ZFYVE9: variants seen among roughly 807,000 people sequenced by gnomAD.
ZFYVE9 encodes zinc finger FYVE-type containing 9, also known as zinc finger FYVE domain-containing protein 9.
Under a neutral mutation model 126.7 loss-of-function variants are expected in ZFYVE9, and 43 were observed. That is an observed-to-expected ratio of 0.34 (90% CI 0.27 to 0.44). The LOEUF (loss-of-function observed/expected upper bound fraction) is 0.44. ZFYVE9 is among the 20% of genes least tolerant of loss of function. The probability of loss-of-function intolerance (pLI) is 1.00; values close to 1 mark genes in which losing one functional copy is unlikely to be tolerated. For synonymous variants in ZFYVE9, 521 were observed against 597.4 expected (o/e 0.87, Z 1.87); for missense variants, 1,476 against 1,697.0 (o/e 0.87, Z 2.29).
intron 2 of ZFYVE9, among the ~76,000 whole-genome samples, chr1:52,223,498 G>A (rs1645143111): frequency 6.6e-6 from 1 of 152,018 alleles, no homozygotes; most frequent in African/African-American, 2.4e-5. Flanking sequence ...TTCCTCTATG[G>A]GATGGTCTTT....
intron 13 of ZFYVE9, among the ~76,000 whole-genome samples, chr1:52,331,734 A>G (rs1211265954): frequency 2.7e-5 from 4 of 149,266 alleles, no homozygotes; most frequent in African/African-American, 9.8e-5. Context: ...CTTGGGCAAC[A>G]GAGAGAGACC....
chr1:52,187,040 G>A (rs764647383), intron 1 of ZFYVE9, among the ~76,000 whole-genome samples: 1 of 152,150 alleles, frequency 6.6e-6, no homozygotes, highest in Non-Finnish European at 1.5e-5. Context: ...AACAAAGCTG[G>A]AGGCATCATA....
At chr1:52,252,366 TTTG>T (rs1335776302) in intron 4 of ZFYVE9, 1 of 151,692 alleles carries the variant, frequency 6.6e-6, no homozygotes, top group African/African-American at 2.5e-5. Flanking sequence ...TTTGTTTTGT[TTTG>T]TTTTGTTAGA....
intron 4 of ZFYVE9, among the ~76,000 whole-genome samples, chr1:52,243,538 C>T (rs962847486): frequency 4.0e-5 from 6 of 151,786 alleles, no homozygotes; most frequent in African/African-American, 1.5e-4. Context: ...GGAAGTAGAA[C>T]AGCATGGACA....
intron 2 of ZFYVE9, among the ~76,000 whole-genome samples, chr1:52,221,281 G>A (rs959377908): frequency 5.5e-4 from 84 of 152,308 alleles, no homozygotes; most frequent in African/African-American, 2.0e-3. Context: ...GGAACCATCT[G>A]TAAAGAGGTG....
At chr1:52,198,562 A>T (rs1644892380) in intron 1 of ZFYVE9, among the ~76,000 whole-genome samples, 1 of 152,230 alleles carries the variant, frequency 6.6e-6, no homozygotes, top group Non-Finnish European at 1.5e-5. Context: ...AGATAGGAGC[A>T]TACATAGGAT....
intron 12 of ZFYVE9, among the ~76,000 whole-genome samples, chr1:52,296,901 C>T (rs571617322): frequency 9.2e-5 from 14 of 152,282 alleles, no homozygotes; most frequent in Non-Finnish European, 1.9e-4. Flanking sequence ...GCAACCTCCA[C>T]CTCCGAGCAA....
intron 1 of ZFYVE9, among the ~76,000 whole-genome samples, chr1:52,154,433 C>A (rs1447087431): frequency 6.6e-6 from 1 of 152,184 alleles, no homozygotes; most frequent in Non-Finnish European, 1.5e-5. Flanking sequence ...CTATTTCTGC[C>A]ACAGTGACCT....
At chr1:52,263,128 T>C (rs1178235572) in intron 4 of ZFYVE9, among the ~76,000 whole-genome samples, 3 of 149,178 alleles carry the variant, frequency 2.0e-5, no homozygotes, top group Admixed American at 2.0e-4. Context: ...ACAAAGGAGA[T>C]TGTTGTTGCC....
chr1:52,335,898 C>A (rs1646383996), intron 15 of ZFYVE9, among the ~76,000 whole-genome samples: 1 of 152,122 alleles, frequency 6.6e-6, no homozygotes, highest in Admixed American at 6.5e-5. Flanking sequence ...CTTTGGGAGG[C>A]CGAGGGGGGC....
chr1:52,291,885 C>CAAAAAAAA (rs1171027696), intron 10 of ZFYVE9, among the ~76,000 whole-genome samples: 1 of 58,736 alleles, frequency 1.7e-5, no homozygotes, highest in African/African-American at 5.8e-5. Context: ...GACTCTGTCT[C>CAAAAAAAA]AAAAAAAAAA....
At chr1:52,310,932 G>A (rs1473513280) in intron 13 of ZFYVE9, among the ~76,000 whole-genome samples, 3 of 152,154 alleles carry the variant, frequency 2.0e-5, no homozygotes, top group Admixed American at 6.5e-5. Flanking sequence ...GTGCAGTGGT[G>A]TAATCGTAGC....
chr1:52,331,527 C>T (rs571510753), intron 13 of ZFYVE9, among the ~76,000 whole-genome samples: 302 of 150,410 alleles, frequency 2.0e-3, no homozygotes, highest in African/African-American at 6.9e-3. Flanking sequence ...CTGAGGTGGG[C>T]GGATCACGAG....
intron 1 of ZFYVE9, among the ~76,000 whole-genome samples, chr1:52,181,214 C>G (rs556973411): frequency 6.6e-5 from 10 of 152,310 alleles, no homozygotes; most frequent in African/African-American, 2.4e-4. Context: ...TGCTGAGTGC[C>G]TGCGATTGCA....
Position 52,171,701 on chromosome 1 carries a change from A to T in ZFYVE9, c.-143+29298A>T, listed in dbSNP as rs1169621065. ...TTTAATGATCGCCATTCTAACTGGT[A>T]TGAGATGGTATCTCATTGTAGTTTT... is the stretch of plus-strand genomic sequence containing the variant. On this transcript the variant is annotated intron_variant, in intron 1 of 18. Transcript: ENST00000287727. 2.0e-5 allele frequency among the ~76,000 whole-genome samples: 3 copies of T among 152,022 alleles called. No homozygotes were observed. The East Asian group carries it at 5.8e-4, about 29-fold the overall frequency.
intron 1 of ZFYVE9, among the ~76,000 whole-genome samples, chr1:52,177,819 G>T (rs1201941805): frequency 6.6e-6 from 1 of 152,172 alleles, no homozygotes; most frequent in Non-Finnish European, 1.5e-5. Flanking sequence ...TCTAATTGGG[G>T]AACTGCAAAT....
intron 4 of ZFYVE9, among the ~76,000 whole-genome samples, chr1:52,254,940 A>C (rs1388103699): frequency 6.6e-6 from 1 of 152,006 alleles, no homozygotes. Context: ...TAAAAATTAA[A>C]AAATAGCTGG....
intron 1 of ZFYVE9, among the ~76,000 whole-genome samples, chr1:52,196,428 G>C (rs1644861078): frequency 1.3e-5 from 2 of 152,146 alleles, no homozygotes; most frequent in South Asian, 4.1e-4. Flanking sequence ...TTGAGGCCAG[G>C]AGTTCAAGAC....
At chr1:52,205,290 A>T (rs1404240454) in intron 1 of ZFYVE9, among the ~76,000 whole-genome samples, 1 of 151,620 alleles carries the variant, frequency 6.6e-6, no homozygotes, top group African/African-American at 2.4e-5. Flanking sequence ...GCCCAAGCTG[A>T]TCTTGAACTT....
Sources: allele counts gnomAD v4.1 joint callset (sites outside exome capture counted in the v4.1 genomes callset), GRCh38; gene constraint gnomAD v4.1.1; transcripts MANE v1.5; gene names NCBI Gene and HGNC (gene_info 2026-07-23, HGNC 2026-07-21).